Variants in ARHGAP17 observed in about 807,000 individuals in gnomAD.
The protein encoded by ARHGAP17 is rho GTPase-activating protein 17.
ARHGAP17 carries 57 observed loss-of-function variants against 99.5 expected under a neutral mutation model. The ratio of observed to expected loss-of-function variants is 0.57; its 90% confidence interval spans 0.46 to 0.71. ARHGAP17 has a LOEUF of 0.71. ARHGAP17 is among the 30% of genes least tolerant of loss of function. ARHGAP17 has a pLI of 0.00. For synonymous variants in ARHGAP17, 417 were observed against 429.6 expected (o/e 0.97, Z 0.36); for missense variants, 1,000 against 1,122.4 (o/e 0.89, Z 1.56).
intron 12 of ARHGAP17, 74 bp from the exon 13 acceptor site, chr16:24,949,558 T>TG: frequency 1.6e-6 from 2 of 1,288,782 alleles, no homozygotes; most frequent in Non-Finnish European, 2.2e-6. Context: ...ATGTTAAAAA[T>TG]GAGGCCTCCA....
At chr16:24,977,735 T>G (rs542011152) in intron 2 of ARHGAP17, among the ~76,000 whole-genome samples, 2 of 152,264 alleles carry the variant, frequency 1.3e-5, no homozygotes, top group South Asian at 4.1e-4. Flanking sequence ...AATAAACCTC[T>G]AAAGCAGAAT....
At chr16:24,937,451 AAAAAT>A (rs1403702151) in intron 17 of ARHGAP17, among the ~76,000 whole-genome samples, 1 of 152,084 alleles carries the variant, frequency 6.6e-6, no homozygotes, top group African/African-American at 2.4e-5. Context: ...AAAAATAAAT[AAAAAT>A]AAAAAACAAA....
At chr16:24,952,483 T>C (rs1243727132) in intron 11 of ARHGAP17, 113 bp from the exon 12 acceptor site, 5 of 703,340 alleles carry the variant, frequency 7.1e-6, no homozygotes, top group Non-Finnish European at 1.1e-5. Flanking sequence ...AAGGTGTACA[T>C]AACAAATCAT....
At position 24,935,654 on chromosome 16, in the gene ARHGAP17, AG is replaced by A. The variant is rs1359221242; in HGVS notation, c.1725-16del. On this transcript the variant is annotated splice_polypyrimidine_tract_variant and intron_variant, in intron 17 of 19. Transcript: ENST00000289968. ...GTTTGGGAGGACTAAGAGGAGTAAA[AG>A]TCAAGTTAGACGTCAGACAATCCCA... 1.9e-6 allele frequency: 3 copies of A among 1,613,210 alleles called. No individual in the cohort carries two copies. The South Asian group carries it at 3.3e-5, about 18-fold the overall frequency.
intron 3 of ARHGAP17, 88 bp downstream of exon 3, chr16:24,977,127 T>G (rs960297704): frequency 1.9e-6 from 2 of 1,038,122 alleles, no homozygotes; most frequent in African/African-American, 3.2e-5. Flanking sequence ...GATCCACTGA[T>G]GCCACTTAGG....
chr16:24,972,988 T>TTG (rs1597434391), intron 3 of ARHGAP17, among the ~76,000 whole-genome samples: 1 of 151,022 alleles, frequency 6.6e-6, no homozygotes, highest in East Asian at 1.9e-4. Flanking sequence ...AGGCTGGAGG[T>TTG]CAGTGACGCG....
intron 19 of ARHGAP17, among the ~76,000 whole-genome samples, chr16:24,926,251 T>C (rs972100463): frequency 6.6e-6 from 1 of 152,120 alleles, no homozygotes; most frequent in Admixed American, 6.5e-5. Flanking sequence ...TCAAGAGTTT[T>C]AATATCCATG....
At chr16:24,927,653 T>G in intron 19 of ARHGAP17, 1 of 1,143,850 alleles carries the variant, frequency 8.7e-7, no homozygotes, top group South Asian at 1.7e-5. Flanking sequence ...GTAGCAAAAA[T>G]GCATTGGCCA....
chr16:24,941,908 A>G, intron 16 of ARHGAP17, 79 bp downstream of exon 16: 1 of 1,599,638 alleles, frequency 6.3e-7, no homozygotes, highest in Non-Finnish European at 8.5e-7. Flanking sequence ...TCAAATCCCA[A>G]GTCCACTGAG....
chr16:24,934,248 C>T (rs1665496554), intron 18 of ARHGAP17, among the ~76,000 whole-genome samples: 1 of 152,138 alleles, frequency 6.6e-6, no homozygotes, highest in South Asian at 2.1e-4. Flanking sequence ...GCAACCTCTG[C>T]CTCCCAGGTT....
intron 3 of ARHGAP17, among the ~76,000 whole-genome samples, chr16:24,976,360 T>G (rs1397675597): frequency 6.6e-6 from 1 of 152,014 alleles, no homozygotes; most frequent in African/African-American, 2.4e-5. Flanking sequence ...GATCCCCATC[T>G]CTACAAAAAA....
rs1045717448 is a variant in ARHGAP17, at chr16:24,927,654, G to A, written c.2515+3130C>T. ...AATATGATCATCAAGTAGCAAAAAT[G>A]CATTGGCCAATCAGGTGCCTTTTCC... On this transcript the variant is annotated intron_variant, in intron 19 of 19. Coordinates refer to ENST00000289968, the MANE Select transcript of ARHGAP17 (RefSeq NM_001006634.3). The A allele has an allele frequency of 7.9e-6, 9 of 1,146,138 alleles. No individual in the cohort carries two copies. In the African/African-American group the frequency reaches 1.1e-4, roughly 14 times the overall value. 71.0% of individuals were successfully genotyped at this position (1,146,138 alleles called of 1,614,324 possible).
rs1413364245 is a variant in ARHGAP17, at chr16:24,931,345, C to T, written c.1954G>A (p.Gly652Arg). 18 of 1,490,008 alleles carry T rather than the reference C, an allele frequency of 1.2e-5. No homozygotes were observed. Among genetic ancestry groups the T allele is most frequent in the Non-Finnish European group, 1.4e-5 (16 of 1,121,686 alleles). 92.3% of individuals were successfully genotyped at this position (1,490,008 alleles called of 1,614,324 possible). ...GATGTTCCTGAAGAACTCTGGCCCCCGGGGTGGCCAGGAGGTGGGTTGCCC... is the reference window on the plus strand; with the variant it reads ...GATGTTCCTGAAGAACTCTGGCCCCTGGGGTGGCCAGGAGGTGGGTTGCCC... Reference protein sequence around the residue: ...KPGNPPPGHPGGQSSSGTSQH... With the variant: ...KPGNPPPGHPRGQSSSGTSQH... The change falls in exon 19 of 20, where the codon GGG becomes AGG. Residue 652 changes from glycine to arginine, a missense_variant. Coordinates refer to ENST00000289968, the MANE Select transcript of ARHGAP17 (RefSeq NM_001006634.3).
At chr16:24,989,483 A>G (rs537261875) in intron 1 of ARHGAP17, among the ~76,000 whole-genome samples, 7 of 152,264 alleles carry the variant, frequency 4.6e-5, no homozygotes, top group Admixed American at 3.9e-4. Flanking sequence ...AGAGCTACAC[A>G]TGACAGTCCT....
At chr16:24,982,994 ATATTTTTTTTTTT>A (rs1262847474) in intron 1 of ARHGAP17, among the ~76,000 whole-genome samples, 2 of 17,386 alleles carry the variant, frequency 1.2e-4, no homozygotes, top group African/African-American at 3.2e-4. Flanking sequence ...ATATATATAT[ATATTTTTTTTTTT>A]TTTTTTTTTT....
At chr16:24,941,220 G>A (rs758623868) in intron 16 of ARHGAP17, among the ~76,000 whole-genome samples, 12 of 152,188 alleles carry the variant, frequency 7.9e-5, no homozygotes, top group East Asian at 1.9e-4. Context: ...TTGTCACTTC[G>A]TTTTAATGTA....
chr16:24,986,096 G>C (rs150847924), intron 1 of ARHGAP17, among the ~76,000 whole-genome samples: 6 of 152,222 alleles, frequency 3.9e-5, no homozygotes, highest in African/African-American at 1.4e-4. Flanking sequence ...CATCACAAAC[G>C]GTTCCTCCAA....
At chr16:24,993,504 A>T (rs968896706) in intron 1 of ARHGAP17, among the ~76,000 whole-genome samples, 6 of 151,760 alleles carry the variant, frequency 4.0e-5, no homozygotes, top group Admixed American at 1.3e-4. Flanking sequence ...GAGGAGAATC[A>T]CTTGAACCCA....
intron 14 of ARHGAP17, among the ~76,000 whole-genome samples, chr16:24,946,196 G>C (rs2051467371): frequency 6.6e-6 from 1 of 151,850 alleles, no homozygotes; most frequent in African/African-American, 2.4e-5. Flanking sequence ...TTCTGCTTAG[G>C]AACCTTAATG....
Sources: allele counts gnomAD v4.1 joint callset (sites outside exome capture counted in the v4.1 genomes callset), GRCh38; gene constraint gnomAD v4.1.1; transcripts MANE v1.5; gene names NCBI Gene and HGNC (gene_info 2026-07-23, HGNC 2026-07-21).